The following SIGMAR1 variants were observed in gnomAD, a reference collection of about 807,000 sequenced individuals.
The protein encoded by SIGMAR1 is sigma non-opioid intracellular receptor 1, also known as SR31747 binding protein 1.
SIGMAR1 carries 18 observed loss-of-function variants against 25.4 expected under a neutral mutation model. That is an observed-to-expected ratio of 0.71 (90% confidence interval 0.49 to 1.05). The LOEUF (loss-of-function observed/expected upper bound fraction) is 1.05. Among genes scored for constraint, SIGMAR1 ranks in the 50% least tolerant of loss-of-function variants. The pLI is 0.00. For missense variants in SIGMAR1, 249 were observed against 301.6 expected, an observed-to-expected ratio of 0.83 and a Z score of 1.29; for synonymous variants, 125 against 131.6, an observed-to-expected ratio of 0.95 and a Z score of 0.34.
At chr9:34,636,318 TAA>T (rs764614552) in intron 3 of SIGMAR1, among the ~76,000 whole-genome samples, 51,384 of 119,122 alleles carry the variant, frequency 0.43, 10,372 homozygotes, top group African/African-American at 0.46. Flanking sequence ...GTTTCACTAT[TAA>T]AAAAAAAAAA....
rs138306719 is a variant in SIGMAR1, at chr9:34,636,601, C to A, written c.445+396G>T. The A allele has an allele frequency of 0.011, 3,169 of 301,606 alleles. 257 individuals are homozygous for A. In the East Asian group the frequency reaches 0.2, roughly 19 times the overall value. 18.7% of individuals were successfully genotyped at this position (301,606 alleles called of 1,614,324 possible). On this transcript the variant is annotated intron_variant, in intron 3 of 3. Transcript: ENST00000277010. Reference sequence around the variant, plus strand: ...AGTGAGCCGAGATCGCGCCACTGCACGCCAGCCTGGGCGACTGAGCAAGAC... The same window carrying A: ...AGTGAGCCGAGATCGCGCCACTGCAAGCCAGCCTGGGCGACTGAGCAAGAC...
chr9:34,635,711 G>T lies in SIGMAR1; in HGVS notation c.593C>A (p.Thr198Asn), dbSNP rs1820826612. Residue 198 changes from threonine to asparagine, a missense_variant, in exon 4 of 4, where the codon ACC becomes AAC. Coordinates refer to ENST00000277010, the MANE Select transcript of SIGMAR1 (RefSeq NM_005866.4). The surrounding 1 kb of genome is among the most constrained non-coding windows in gnomAD (Gnocchi z 4.5). ...ATAGGAGCGAAGAGTATAGAAGAGG[G>T]TGAGGAAGTCCTGGGTGCTGAAGAC... is the stretch of plus-strand genomic sequence containing the variant. ...DTVFSTQDFLTLFYTLRSYAR... is the reference protein window; with the variant it reads ...DTVFSTQDFLNLFYTLRSYAR... The T allele has an allele frequency of 5.6e-6, 9 of 1,614,268 alleles. No individual in the cohort carries two copies. The highest frequency in any genetic ancestry group is 7.6e-6 in the Non-Finnish European group (9 of 1,180,054).
chr9:34,637,448 C>T (rs1820920466), intron 1 of SIGMAR1, 28 bp from the exon 2 acceptor site: 1 of 1,594,346 alleles, frequency 6.3e-7, no homozygotes, highest in African/African-American at 1.3e-5. Flanking sequence ...GCGGCGGAGT[C>T]AGGGCTGGCA....
At position 34,635,511 on chromosome 9, in the gene SIGMAR1, A is replaced by C. The variant is rs1820812933; in HGVS notation, c.*121T>G. The C allele has an allele frequency of 6.9e-7, 1 of 1,453,670 alleles. No individual in the cohort carries two copies. The highest frequency in any genetic ancestry group is 9.4e-7 in the Non-Finnish European group (1 of 1,059,950). 90.0% of individuals were successfully genotyped at this position (1,453,670 alleles called of 1,614,324 possible). On this transcript the variant is annotated 3_prime_UTR_variant, in exon 4 of 4. Transcript: ENST00000277010. This position sits in a 1 kb window ranked among gnomAD's most constrained non-coding sequence, Gnocchi z 4.5. ...TAAGCATGGATATCCCTGCTCATAC[A>C]GCAGGAACTCAGGATCTGCATGGTG...
Position 34,637,298 on chromosome 9 carries a change from C to T in SIGMAR1, c.274G>A (p.Ala92Thr). 1 of 1,591,118 alleles carries T rather than the reference C, an allele frequency of 6.3e-7. No homozygotes were observed. The highest frequency in any genetic ancestry group is 2.3e-5 in the East Asian group (1 of 44,118). The change falls in exon 2 of 4, where the codon GCC (alanine) becomes ACC (threonine). Residue 92 changes from alanine to threonine, a missense_variant. Ala to Thr is a moderately conservative substitution (Grantham distance 58). Transcript: ENST00000277010. Reference sequence around the variant, plus strand: ...AGCGAGGCGTGCAGAAGGCACATGGCGCCCATCCAGCCACCCGCATTCACG... The same window carrying T: ...AGCGAGGCGTGCAGAAGGCACATGGTGCCCATCCAGCCACCCGCATTCACG... ...VFVNAGGWMGAMCLLHASLSE... is the reference protein window; with the variant it reads ...VFVNAGGWMGTMCLLHASLSE...
intron 3 of SIGMAR1, among the ~76,000 whole-genome samples, chr9:34,636,568 G>A (rs1820871448): frequency 6.6e-6 from 1 of 152,226 alleles, no homozygotes; most frequent in Non-Finnish European, 1.5e-5. Flanking sequence ...CCGGGAAGCG[G>A]AGCTTGCAGT....
In SIGMAR1 at chr9:34,635,930, C is replaced by G; in HGVS notation, c.446-72G>C. 4.4e-6 allele frequency: 7 copies of G among 1,600,314 alleles called. No individual in the cohort carries two copies. Among genetic ancestry groups the G allele is most frequent in the Non-Finnish European group, 6.0e-6 (7 of 1,175,784 alleles). On this transcript the variant is annotated intron_variant, in intron 3 of 3. Coordinates refer to ENST00000277010, the MANE Select transcript of SIGMAR1 (RefSeq NM_005866.4). This position sits in a 1 kb window ranked among gnomAD's most constrained non-coding sequence, Gnocchi z 4.5. ...CTTCCATGGCTGCTGCTTCCCTGGCCCATGGACTAACTAGGGGTGGGGAAT... is the reference window on the plus strand; with the variant it reads ...CTTCCATGGCTGCTGCTTCCCTGGCGCATGGACTAACTAGGGGTGGGGAAT...
Position 34,637,692 on chromosome 9 carries a change from C to T in SIGMAR1, c.6G>A (p.Gln2=), listed in dbSNP as rs541251697. 2.9e-3 allele frequency: 4,477 copies of T among 1,527,310 alleles called. 7 individuals are homozygous for T. The highest frequency in any genetic ancestry group is 3.7e-3 in the Non-Finnish European group (4,234 of 1,142,266). The allele number at this position is 1,527,310 out of a possible 1,614,324, so 94.6% of individuals were successfully genotyped here. Residue 2 remains glutamine (Q), a synonymous_variant, in exon 1 of 4, where the codon CAG becomes CAA. Coordinates refer to ENST00000277010, the MANE Select transcript of SIGMAR1 (RefSeq NM_005866.4). ...ACGCCCACCGCCGGCCCACGGCCCA[C>T]TGCATCCCGGCGGGCGGCCTGGCAC... M[Q]WAVGRRWAWA...
rs1820828824 is a variant in SIGMAR1, at chr9:34,635,737, A to G, written c.567T>C (p.Thr189=). 6.2e-7 allele frequency: 1 copy of G among 1,614,270 alleles called. No homozygotes were observed. Among genetic ancestry groups the G allele is most frequent in the Non-Finnish European group, 8.5e-7 (1 of 1,180,046 alleles). The stretch of plus-strand genomic sequence containing the variant: ...TGAGGAAGTCCTGGGTGCTGAAGAC[A>G]GTGTCGGCCAGCGCGAAGGCCAGGG... ...PSTLAFALAD[T]VFSTQDFLTL... is the part of the protein sequence containing the mutation. Residue 189 remains threonine (T), a synonymous_variant, in exon 4 of 4, where the codon ACT becomes ACC. Transcript: ENST00000277010. The surrounding 1 kb of genome is among the most constrained non-coding windows in gnomAD (Gnocchi z 4.5).
Position 34,637,723 on chromosome 9 carries a change from A to G in SIGMAR1, c.-26T>C. On this transcript the variant is annotated 5_prime_UTR_variant, in exon 1 of 4. Coordinates refer to ENST00000277010, the MANE Select transcript of SIGMAR1 (RefSeq NM_005866.4). Reference sequence around the variant, plus strand: ...CCCGGCGGGCGGCCTGGCACGGCGCAGCTCAGGAGGGAGCCGGGGCCTGAG... The same window carrying G: ...CCCGGCGGGCGGCCTGGCACGGCGCGGCTCAGGAGGGAGCCGGGGCCTGAG... 6.8e-7 allele frequency: 1 copy of G among 1,460,804 alleles called. No homozygotes were observed. Among genetic ancestry groups the G allele is most frequent in the Non-Finnish European group, 9.0e-7 (1 of 1,105,582 alleles). 90.5% of individuals were successfully genotyped at this position (1,460,804 alleles called of 1,614,324 possible). A position where few individuals can be genotyped will look rare whatever the true frequency, so the allele number is the denominator to read the frequency against.
In SIGMAR1 at chr9:34,635,880, A is replaced by C; in HGVS notation, c.446-22T>G. On this transcript the variant is annotated intron_variant, in intron 3 of 3. Coordinates refer to ENST00000277010, the MANE Select transcript of SIGMAR1 (RefSeq NM_005866.4). The surrounding 1 kb of genome is among the most constrained non-coding windows in gnomAD (Gnocchi z 4.5). The stretch of plus-strand genomic sequence containing the variant: ...TCCCCTGGGGGACAGGGAGCACCCA[A>C]GTGAAAAGCCAGCTCTGCCCTGCCC... The C allele has an allele frequency of 6.2e-7, 1 of 1,613,462 alleles. No individual in the cohort carries two copies. Among genetic ancestry groups the C allele is most frequent in the East Asian group, 2.2e-5 (1 of 44,876 alleles).
Position 34,637,616 on chromosome 9 carries a change from G to A in SIGMAR1, c.82C>T (p.Leu28Phe), listed in dbSNP as rs1232418166. ...VAAVLTQVVW[L>F]WLGTQSFVFQ... ...ACGAAGCTCTGCGTACCCAGCCAGA[G>A]CCAGACGACCTGGGTCAGCACCGCT... The change falls in exon 1 of 4, where the codon CTC becomes TTC. Residue 28 changes from leucine (L) to phenylalanine (F), a missense_variant. Physicochemically the swap from Leu to Phe is conservative, Grantham distance 22. Coordinates refer to ENST00000277010, the MANE Select transcript of SIGMAR1 (RefSeq NM_005866.4). 1.3e-6 allele frequency: 2 copies of A among 1,548,616 alleles called. No homozygotes were observed. The highest frequency in any genetic ancestry group is 1.7e-6 in the Non-Finnish European group (2 of 1,152,006).
In SIGMAR1 at chr9:34,635,275, TG is replaced by T. The variant is rs1221048369; in HGVS notation, c.*356del. 2.8e-6 allele frequency: 1 copy of T among 360,364 alleles called. No homozygotes were observed. The highest frequency in any genetic ancestry group is 2.1e-5 in the African/African-American group (1 of 47,296). The allele number at this position is 360,364 out of a possible 1,614,324, so 22.3% of individuals were successfully genotyped here. ...CATCCTTAACTCTAGAACCCCGGTT[TG>T]GTGGGGAGGAGGTGGGAAGCTGTGG... On this transcript the variant is annotated 3_prime_UTR_variant, in exon 4 of 4. Coordinates refer to ENST00000277010, the MANE Select transcript of SIGMAR1 (RefSeq NM_005866.4). The surrounding 1 kb of genome is among the most constrained non-coding windows in gnomAD (Gnocchi z 4.5).
intron 3 of SIGMAR1, chr9:34,636,645 CAAAT>C (rs1820875625): frequency 2.7e-5 from 10 of 367,286 alleles, no homozygotes; most frequent in South Asian, 1.9e-4. Context: ...AAAAAACAAA[CAAAT>C]AAAAAGATAA....
At position 34,637,763 on chromosome 9, in the gene SIGMAR1, G is replaced by A; in HGVS notation, c.-66C>T. 2 of 1,183,400 alleles carry A rather than the reference G, an allele frequency of 1.7e-6. No homozygotes were observed. Among genetic ancestry groups the A allele is most frequent in the South Asian group, 1.9e-5 (1 of 52,856 alleles). The allele number at this position is 1,183,400 out of a possible 1,614,324, so 73.3% of individuals were successfully genotyped here. The stretch of plus-strand genomic sequence containing the variant: ...CGGGGCCTGAGGCTTTGCGCTCACG[G>A]CCTCGGAGCCCGCCGGCTGCCCACG... On this transcript the variant is annotated 5_prime_UTR_variant, in exon 1 of 4. Coordinates refer to ENST00000277010, the MANE Select transcript of SIGMAR1 (RefSeq NM_005866.4).
intron 2 of SIGMAR1, 63 bp from the exon 3 acceptor site, chr9:34,637,152 A>G: frequency 6.2e-7 from 1 of 1,601,260 alleles, no homozygotes; most frequent in Non-Finnish European, 8.5e-7. Context: ...CCAGCCAAAC[A>G]TCAGAAAGGA....
At position 34,635,369 on chromosome 9, in the gene SIGMAR1, T is replaced by C; in HGVS notation, c.*263A>G. The stretch of plus-strand genomic sequence containing the variant: ...TGTGTCTGAACACAACTGGCTCCCT[T>C]GGTATACCGGGGGCTCCCTCTCCAG... On this transcript the variant is annotated 3_prime_UTR_variant, in exon 4 of 4. Coordinates refer to ENST00000277010, the MANE Select transcript of SIGMAR1 (RefSeq NM_005866.4). This position sits in a 1 kb window ranked among gnomAD's most constrained non-coding sequence, Gnocchi z 4.5. 1 of 518,538 alleles carries C rather than the reference T, an allele frequency of 1.9e-6. No homozygotes were observed. The highest frequency in any genetic ancestry group is 3.5e-6 in the Non-Finnish European group (1 of 285,484). The allele number at this position is 518,538 out of a possible 1,614,324, so 32.1% of individuals were successfully genotyped here. A position where few individuals can be genotyped will look rare whatever the true frequency, so the allele number is the denominator to read the frequency against.
Position 34,637,207 on chromosome 9 carries a change from C to T in SIGMAR1, c.352+13G>A. 1 of 1,556,674 alleles carries T rather than the reference C, an allele frequency of 6.4e-7. No homozygotes were observed. The highest frequency in any genetic ancestry group is 1.2e-5 in the South Asian group (1 of 86,210). Reference sequence around the variant, plus strand: ...ACCCCAGCCTCCCAGTCTGGCCCGCCGCTAGCACTGACCCGAGTGGCCGCG... The same window carrying T: ...ACCCCAGCCTCCCAGTCTGGCCCGCTGCTAGCACTGACCCGAGTGGCCGCG... On this transcript the variant is annotated intron_variant, in intron 2 of 3. Coordinates refer to ENST00000277010, the MANE Select transcript of SIGMAR1 (RefSeq NM_005866.4).
intron 3 of SIGMAR1, 89 bp downstream of exon 3, chr9:34,636,908 C>T: frequency 1.8e-6 from 2 of 1,084,508 alleles, no homozygotes; most frequent in Non-Finnish European, 2.8e-6. Flanking sequence ...GCCCCCCCAA[C>T]ACACTCCTTT....
Sources: gnomAD v4.1 joint callset for allele counts (sites outside exome capture counted in the v4.1 genomes callset) on GRCh38, gnomAD v4.1.1 for gene constraint, Gnocchi (gnomAD v3.1) non-coding constraint, MANE v1.5 for transcripts, NCBI Gene and HGNC (gene_info 2026-07-23, HGNC 2026-07-21) for gene names.